The following KIF13A variants were observed in gnomAD, a reference collection of about 807,000 sequenced individuals.
KIF13A encodes the protein kinesin-like protein KIF13A.
In KIF13A, 79 loss-of-function variants were observed where a neutral mutation model predicts 212.2. The observed-to-expected ratio is 0.37, with a 90% CI of 0.31 to 0.45. The LOEUF (loss-of-function observed/expected upper bound fraction) is 0.45. KIF13A is among the 20% of genes least tolerant of loss of function. The pLI, the probability that KIF13A is intolerant of heterozygous loss-of-function variation, is 1.00. For synonymous variants in KIF13A, 789 were observed against 808.6 expected (o/e 0.98, Z 0.41); for missense variants, 1,901 against 2,209.0 (o/e 0.86, Z 2.79).
At chr6:17,857,370 C>G (rs557322951) in intron 4 of KIF13A, among the ~76,000 whole-genome samples, 10 of 152,288 alleles carry the variant, frequency 6.6e-5, no homozygotes, top group African/African-American at 2.4e-4. Context: ...ATGCTGTTCT[C>G]ATGATAGTGA....
intron 22 of KIF13A, among the ~76,000 whole-genome samples, chr6:17,798,605 T>G (rs1433777197): frequency 6.6e-6 from 1 of 152,186 alleles, no homozygotes; most frequent in Non-Finnish European, 1.5e-5. Flanking sequence ...TGTGTATCTA[T>G]GAAGGGAAGT....
downstream of KIF13A, chr6:17,759,220 G>A (rs1428804894): frequency 1.3e-5 from 2 of 151,876 alleles, no homozygotes; most frequent in Non-Finnish European, 2.9e-5. Flanking sequence ...CTAAAGGCAG[G>A]GTTATTAAAG....
rs185761416 is a variant in KIF13A, at chr6:17,922,399, G to A, written c.147-24219C>T. Among the ~76,000 whole-genome samples, 256 of 152,144 alleles carry A rather than the reference G, an allele frequency of 1.7e-3. 2 individuals carry two copies. Among genetic ancestry groups the A allele is most frequent in the Middle Eastern group, 3.4e-3 (1 of 294 alleles). On this transcript the variant is annotated intron_variant, in intron 2 of 38. Transcript: ENST00000259711. ...CTGGAGGATGGAAAAATAAACCATG[G>A]TACTCCATACAATGCAACAGTTTAC...
Position 17,809,399 on chromosome 6 carries a change from T to C in KIF13A, c.2001-469A>G, listed in dbSNP as rs1211081806. On this transcript the variant is annotated intron_variant, in intron 17 of 38. Transcript: ENST00000259711. The surrounding 1 kb of genome is among the most constrained non-coding windows in gnomAD (Gnocchi z 4.7). The stretch of plus-strand genomic sequence containing the variant: ...GGTAGTTCTGCAGTAGCAGGAATTC[T>C]TCGTTTCAACTCTCTGTACAACATT... 6.6e-6 allele frequency among the ~76,000 whole-genome samples: 1 copy of C among 152,228 alleles called. No homozygotes were observed. Among genetic ancestry groups the C allele is most frequent in the African/African-American group, 2.4e-5 (1 of 41,470 alleles).
Position 17,837,932 on chromosome 6 carries a change from G to A in KIF13A, c.831-349C>T, listed in dbSNP as rs530115035. 1.1e-4 allele frequency among the ~76,000 whole-genome samples: 16 copies of A among 152,070 alleles called. No individual in the cohort carries two copies. The South Asian group carries it at 1.7e-3, about 16-fold the overall frequency. ...TGTGCCACTGCACTGCAGCCTGGGC[G>A]ACAGAGTGAGACTCTTTCAAAAAAA... On this transcript the variant is annotated intron_variant, in intron 9 of 38. Transcript: ENST00000259711. This position sits in a 1 kb window ranked among gnomAD's most constrained non-coding sequence, Gnocchi z 5.4.
intron 2 of KIF13A, among the ~76,000 whole-genome samples, chr6:17,985,178 G>C (rs895293782): frequency 6.6e-6 from 1 of 152,142 alleles, no homozygotes; most frequent in Non-Finnish European, 1.5e-5. Context: ...AATTAGATCC[G>C]TCAGAAGGAC....
In KIF13A at chr6:17,987,480, C is replaced by T. The variant is rs889239016; in HGVS notation, c.-17G>A. 2 of 1,248,610 alleles carry T rather than the reference C, an allele frequency of 1.6e-6. No individual in the cohort carries two copies. Among genetic ancestry groups the T allele is most frequent in the Non-Finnish European group, 2.1e-6 (2 of 956,664 alleles). 77.3% of individuals were successfully genotyped at this position (1,248,610 alleles called of 1,614,324 possible). ...ATCCGACATGTTGGCTGCGCTCGCC[C>T]GGCCGCTCGCCGCGCCCGCTCGGCC... is the stretch of plus-strand genomic sequence containing the variant. On this transcript the variant is annotated 5_prime_UTR_variant, in exon 1 of 39. Coordinates refer to ENST00000259711, the MANE Select transcript of KIF13A (RefSeq NM_022113.6). This position sits in a 1 kb window ranked among gnomAD's most constrained non-coding sequence, Gnocchi z 7.7.
At chr6:17,889,787 C>CT (rs1306888281) in intron 3 of KIF13A, among the ~76,000 whole-genome samples, 1 of 152,152 alleles carries the variant, frequency 6.6e-6, no homozygotes, top group Non-Finnish European at 1.5e-5. Context: ...AGCTCTCCCC[C>CT]TGGACGGTTT....
chr6:17,975,237 C>T (rs1202109633), intron 2 of KIF13A, among the ~76,000 whole-genome samples: 1 of 152,108 alleles, frequency 6.6e-6, no homozygotes. Context: ...TCTGTAATCC[C>T]AGCTACTCGG....
rs181258978 is a variant in KIF13A at position 17,952,359 on chromosome 6, G to A, written c.146+34695C>T. Among the ~76,000 whole-genome samples, 122 of 151,826 alleles carry A rather than the reference G, an allele frequency of 8.0e-4. 1 individual carries two copies. The highest frequency in any genetic ancestry group is 1.1e-3 in the Non-Finnish European group (77 of 67,964). ...ATATTAAGAAAATAATTGGCCAGGT[G>A]TGGTGGCTCATGCCTGTAAACCCAA... On this transcript the variant is annotated intron_variant, in intron 2 of 38. Coordinates refer to ENST00000259711, the MANE Select transcript of KIF13A (RefSeq NM_022113.6).
At chr6:17,949,518 G>A (rs1777687533) in intron 2 of KIF13A, among the ~76,000 whole-genome samples, 1 of 151,822 alleles carries the variant, frequency 6.6e-6, no homozygotes, top group East Asian at 1.9e-4. Context: ...GTATTTAGTT[G>A]TTAGTGCAGG....
intron 4 of KIF13A, among the ~76,000 whole-genome samples, chr6:17,863,284 T>C (rs1397237030): frequency 6.6e-6 from 1 of 151,778 alleles, no homozygotes; most frequent in Non-Finnish European, 1.5e-5. Context: ...TGTTTGTGTG[T>C]GCATGGACAT....
At chr6:17,956,509 G>C (rs998337553) in intron 2 of KIF13A, among the ~76,000 whole-genome samples, 1 of 152,240 alleles carries the variant, frequency 6.6e-6, no homozygotes, top group African/African-American at 2.4e-5. Context: ...TACTATCTAG[G>C]TAGGGAGGCA....
At chr6:17,957,338 G>T (rs952282940) in intron 2 of KIF13A, among the ~76,000 whole-genome samples, 4 of 152,166 alleles carry the variant, frequency 2.6e-5, no homozygotes, top group Admixed American at 2.6e-4. Context: ...TGGGAGGGTG[G>T]TGTACCCCAT....
At chr6:17,893,832 CTTTTTTTTTT>C (rs139288852) in intron 3 of KIF13A, among the ~76,000 whole-genome samples, 15 of 77,334 alleles carry the variant, frequency 1.9e-4, no homozygotes, top group African/African-American at 6.8e-4. Context: ...TTTCCTGCAT[CTTTTTTTTTT>C]TTTTTTTTTT....
downstream of KIF13A, among the ~76,000 whole-genome samples, chr6:17,762,861 T>C (rs905426724): frequency 6.6e-6 from 1 of 152,182 alleles, no homozygotes; most frequent in Admixed American, 6.5e-5. Flanking sequence ...TAAATGACCA[T>C]ACATTGAAAT....
At chr6:17,952,677 T>G (rs1777969665) in intron 2 of KIF13A, among the ~76,000 whole-genome samples, 1 of 152,018 alleles carries the variant, frequency 6.6e-6, no homozygotes, top group East Asian at 1.9e-4. Flanking sequence ...ATGCCTGTAA[T>G]CCCAGCACTT....
chr6:17,942,555 T>C (rs1372028147), intron 2 of KIF13A, among the ~76,000 whole-genome samples: 1 of 152,156 alleles, frequency 6.6e-6, no homozygotes, highest in Non-Finnish European at 1.5e-5. Context: ...ATACATTTCA[T>C]AACAGACACT....
chr6:17,762,058 A>T (rs951785079), downstream of KIF13A, among the ~76,000 whole-genome samples: 10 of 152,076 alleles, frequency 6.6e-5, no homozygotes, highest in East Asian at 7.7e-4. Flanking sequence ...TGAATTTTTT[A>T]AAAATTTTAA....
Sources: allele counts gnomAD v4.1 joint callset (sites outside exome capture counted in the v4.1 genomes callset), GRCh38; gene constraint gnomAD v4.1.1; non-coding constraint Gnocchi (gnomAD v3.1); transcripts MANE v1.5; gene names NCBI Gene and HGNC (gene_info 2026-07-23, HGNC 2026-07-21).